REDIC1: variants seen among roughly 807,000 people sequenced by gnomAD.
REDIC1 encodes the protein regulator of DNA class I crossover intermediates 1, also known as HEI10 Interacting Protein 1.
chr12:39,759,965 C>A, the REDIC1 span: 1 of 1,302,372 alleles, frequency 7.7e-7, no homozygotes, highest in Non-Finnish European at 1.1e-6. Flanking sequence ...AGTGAAGTCA[C>A]CAATTGCTGT....
the REDIC1 span, among the ~76,000 whole-genome samples, chr12:39,872,472 T>C: frequency 2.6e-5 from 4 of 152,180 alleles, no homozygotes; most frequent in African/African-American, 7.2e-5. Context: ...AGAATGTATC[T>C]AGCATTGTGT....
At chr12:39,865,913 C>T in the REDIC1 span, among the ~76,000 whole-genome samples, 1 of 152,180 alleles carries the variant, frequency 6.6e-6, no homozygotes, top group African/African-American at 2.4e-5. Context: ...GATGAAAAAA[C>T]TACTTATTGA....
chr12:39,748,563 G>T, the REDIC1 span, among the ~76,000 whole-genome samples: 1 of 152,118 alleles, frequency 6.6e-6, no homozygotes, highest in East Asian at 1.9e-4. Flanking sequence ...TCTGCACCAA[G>T]CAGACCTAAT....
At chr12:39,630,737 A>G in the REDIC1 span, among the ~76,000 whole-genome samples, 1 of 152,364 alleles carries the variant, frequency 6.6e-6, no homozygotes, top group Admixed American at 6.5e-5. Context: ...GAGAAAAACA[A>G]AACAGAAAAG....
At chr12:39,749,946 C>G in the REDIC1 span, among the ~76,000 whole-genome samples, 1 of 152,114 alleles carries the variant, frequency 6.6e-6, no homozygotes, top group East Asian at 1.9e-4. Flanking sequence ...TTATGACAGA[C>G]CCACAGCCAA....
the REDIC1 span, chr12:39,692,316 T>A: frequency 5.4e-6 from 2 of 372,564 alleles, no homozygotes; most frequent in Non-Finnish European, 9.1e-6. Flanking sequence ...ATAGGTACAG[T>A]TTAGCAAATA....
chr12:39,686,862 T>A, the REDIC1 span, among the ~76,000 whole-genome samples: 1 of 152,214 alleles, frequency 6.6e-6, no homozygotes, highest in Non-Finnish European at 1.5e-5. Context: ...GGTCCATATC[T>A]TCAATGCTTT....
chr12:39,647,987 A>T, the REDIC1 span: 1 of 1,477,050 alleles, frequency 6.8e-7, no homozygotes, highest in Non-Finnish European at 9.1e-7. Context: ...GGTACCTTTG[A>T]ATCATTAGTT....
chr12:39,859,316 G>GT, the REDIC1 span, among the ~76,000 whole-genome samples: 58,364 of 94,178 alleles, frequency 0.62, 18,126 homozygotes, highest in East Asian at 0.74. Flanking sequence ...AAAGCTGGCA[G>GT]TTTTTTTTTT....
At chr12:39,817,804 C>T in the REDIC1 span, among the ~76,000 whole-genome samples, 3 of 152,114 alleles carry the variant, frequency 2.0e-5, no homozygotes, top group Non-Finnish European at 4.4e-5. Context: ...TCAGTATACC[C>T]GGGGCAATTC....
the REDIC1 span, among the ~76,000 whole-genome samples, chr12:39,749,031 C>T: frequency 2.0e-5 from 3 of 152,024 alleles, no homozygotes; most frequent in African/African-American, 7.2e-5. Context: ...AGAGCAAACA[C>T]ATTCAAAAGC....
chr12:39,792,106 G>A, the REDIC1 span, among the ~76,000 whole-genome samples: 1 of 77,958 alleles, frequency 1.3e-5, no homozygotes, highest in African/African-American at 4.9e-5. Flanking sequence ...ACAAACCTGA[G>A]AAAAACAAGC....
chr12:39,714,783 G>T, the REDIC1 span, among the ~76,000 whole-genome samples: 1 of 151,814 alleles, frequency 6.6e-6, no homozygotes, highest in African/African-American at 2.4e-5. Context: ...GTATCACATT[G>T]TGGTTTTGAT....
chr12:39,731,633 G>T, the REDIC1 span, among the ~76,000 whole-genome samples: 1 of 152,156 alleles, frequency 6.6e-6, no homozygotes, highest in Non-Finnish European at 1.5e-5. Context: ...AGGGGTCAGG[G>T]ACCCACTTGA....
chr12:39,655,062 A>G, the REDIC1 span, among the ~76,000 whole-genome samples: 1 of 152,096 alleles, frequency 6.6e-6, no homozygotes, highest in East Asian at 1.9e-4. Context: ...AGTTTCTGTA[A>G]GATTGGTGTT....
the REDIC1 span, among the ~76,000 whole-genome samples, chr12:39,889,647 C>G: frequency 3.3e-5 from 5 of 151,584 alleles, no homozygotes; most frequent in African/African-American, 9.7e-5. Flanking sequence ...ATTCTCCTGC[C>G]TCAGTCTCCT....
chr12:39,776,925 C>T, the REDIC1 span, among the ~76,000 whole-genome samples: 13 of 152,064 alleles, frequency 8.5e-5, no homozygotes, highest in Admixed American at 3.3e-4. Context: ...AACACAACTC[C>T]ATTCCTATGG....
the REDIC1 span, among the ~76,000 whole-genome samples, chr12:39,748,855 T>C: frequency 6.6e-6 from 1 of 152,156 alleles, no homozygotes; most frequent in East Asian, 1.9e-4. Context: ...GAAATAAAGA[T>C]GTTCTTTGAA....
At chr12:39,650,459 A>G in the REDIC1 span, 1 of 1,400,158 alleles carries the variant, frequency 7.1e-7, no homozygotes, top group East Asian at 2.7e-5. This position sits in a 1 kb window ranked among gnomAD's most constrained non-coding sequence, Gnocchi z 4.3. Context: ...AAATATAAAC[A>G]GTCCTAAGTA....
Sources: allele counts gnomAD v4.1 joint callset (sites outside exome capture counted in the v4.1 genomes callset), GRCh38; gene constraint gnomAD v4.1.1; non-coding constraint Gnocchi (gnomAD v3.1); transcripts MANE v1.5; gene names NCBI Gene and HGNC (gene_info 2026-07-23, HGNC 2026-07-21).